Variants in RBKS observed in about 807,000 individuals in gnomAD.
RBKS encodes the protein ribokinase.
A neutral mutation model predicts 33.9 loss-of-function variants in RBKS; 33 were observed. The ratio of observed to expected loss-of-function variants is 0.97; its 90% CI spans 0.74 to 1.30. The LOEUF is 1.30. Among genes scored for constraint, RBKS ranks in the 50% most tolerant of loss-of-function variants. The pLI is 0.00. For missense variants in RBKS, 361 were observed against 392.6 expected, an observed-to-expected ratio of 0.92 and a Z score of 0.68; for synonymous variants, 125 against 143.0, an observed-to-expected ratio of 0.87 and a Z score of 0.90.
Position 27,784,265 on chromosome 2 carries a change from G to A in RBKS, c.796-2477C>T, listed in dbSNP as rs1204592472. Among the ~76,000 whole-genome samples the A allele has an allele frequency of 2.6e-5, 4 of 151,152 alleles. No homozygotes were observed. The South Asian group carries it at 6.3e-4, about 24-fold the overall frequency. ...CCCGAAGTGCTGGGATTACAGGCGT[G>A]AGCCACCGCGCCCGGCCTCTCAGGG... On this transcript the variant is annotated intron_variant, in intron 7 of 7. Transcript: ENST00000302188.
At chr2:27,860,576 C>T (rs1384153617) in intron 1 of RBKS, among the ~76,000 whole-genome samples, 1 of 152,060 alleles carries the variant, frequency 6.6e-6, no homozygotes, top group Non-Finnish European at 1.5e-5. Flanking sequence ...TTAAAAATCA[C>T]CAGATTATTA....
At chr2:27,798,975 TAG>T (rs769853308) in intron 7 of RBKS, among the ~76,000 whole-genome samples, 3 of 152,058 alleles carry the variant, frequency 2.0e-5, no homozygotes, top group Non-Finnish European at 4.4e-5. Context: ...CCCTTGAGGG[TAG>T]CACGCCTGTC....
intron 1 of RBKS, chr2:27,861,667 G>GA: frequency 2.3e-6 from 1 of 431,902 alleles, no homozygotes; most frequent in Middle Eastern, 4.4e-4. Flanking sequence ...TCTTTTTGGG[G>GA]GGGGGGTGGA....
rs1174155390 is a variant in RBKS at position 27,810,388 on chromosome 2, CA to C, written c.795+17178del. On this transcript the variant is annotated intron_variant, in intron 7 of 7. Transcript: ENST00000302188. The surrounding 1 kb of genome is among the most constrained non-coding windows in gnomAD (Gnocchi z 4.4). The stretch of plus-strand genomic sequence containing the variant: ...CTGCTCCAAATGCTTGCCTGTTACA[CA>C]GATCATTCATTCCCTAGAAGGCAGG... 6.6e-6 allele frequency among the ~76,000 whole-genome samples: 1 copy of C among 152,112 alleles called. No homozygotes were observed. The highest frequency in any genetic ancestry group is 1.9e-4 in the East Asian group (1 of 5,190).
intron 7 of RBKS, among the ~76,000 whole-genome samples, chr2:27,819,706 A>T (rs1469793463): frequency 6.6e-6 from 1 of 152,222 alleles, no homozygotes; most frequent in Non-Finnish European, 1.5e-5. Context: ...GAAATCTATA[A>T]GCAGATTCAT....
intron 7 of RBKS, among the ~76,000 whole-genome samples, chr2:27,807,236 C>T (rs1677913191): frequency 6.6e-6 from 1 of 152,196 alleles, no homozygotes; most frequent in African/African-American, 2.4e-5. Context: ...CACAAATTTA[C>T]ATTGTGAGAT....
intron 6 of RBKS, among the ~76,000 whole-genome samples, chr2:27,828,000 T>C (rs1678348406): frequency 6.6e-6 from 1 of 152,196 alleles, no homozygotes; most frequent in African/African-American, 2.4e-5. Context: ...GATGATAGCA[T>C]GGAATTACTG....
chr2:27,809,915 T>A, intron 7 of RBKS: 1 of 1,301,718 alleles, frequency 7.7e-7, no homozygotes, highest in Middle Eastern at 2.1e-4. Context: ...TTTATATTCA[T>A]TTTTGCTCGA....
At chr2:27,838,315 C>T (rs1335061690) in intron 5 of RBKS, among the ~76,000 whole-genome samples, 2 of 152,030 alleles carry the variant, frequency 1.3e-5, no homozygotes, top group Non-Finnish European at 2.9e-5. Context: ...ACTGTTGAAG[C>T]TAAATGATAG....
intron 7 of RBKS, among the ~76,000 whole-genome samples, chr2:27,826,770 CT>C (rs993615766): frequency 5.9e-5 from 9 of 152,198 alleles, no homozygotes; most frequent in African/African-American, 2.2e-4. Context: ...AACCATGAGT[CT>C]TTTTTCTAAC....
At chr2:27,856,778 A>AT (rs1239335388) in intron 2 of RBKS, among the ~76,000 whole-genome samples, 1 of 152,100 alleles carries the variant, frequency 6.6e-6, no homozygotes, top group Non-Finnish European at 1.5e-5. Context: ...AAATTATATC[A>AT]TCCTCTTTCC....
chr2:27,826,886 C>T (rs145090214), intron 7 of RBKS, among the ~76,000 whole-genome samples: 58 of 152,222 alleles, frequency 3.8e-4, no homozygotes, highest in African/African-American at 1.3e-3. Flanking sequence ...AGTCCATATG[C>T]CTAGTTTCGA....
At chr2:27,799,086 C>T (rs577998314) in intron 7 of RBKS, among the ~76,000 whole-genome samples, 2 of 152,172 alleles carry the variant, frequency 1.3e-5, no homozygotes, top group South Asian at 2.1e-4. Context: ...GGGTGCTGAG[C>T]GATGAGGTGA....
At chr2:27,794,398 T>G (rs1346854985) in intron 7 of RBKS, among the ~76,000 whole-genome samples, 1 of 150,924 alleles carries the variant, frequency 6.6e-6, no homozygotes, top group Admixed American at 6.6e-5. Context: ...TATCAGTCAC[T>G]CTTTGTGAAT....
chr2:27,819,233 T>C (rs1321878455), intron 7 of RBKS, among the ~76,000 whole-genome samples: 1 of 152,136 alleles, frequency 6.6e-6, no homozygotes, highest in East Asian at 1.9e-4. Flanking sequence ...TCTCTTGGCT[T>C]GTAGGTGGCC....
At chr2:27,813,202 T>A (rs963368917) in intron 7 of RBKS, among the ~76,000 whole-genome samples, 42 of 152,244 alleles carry the variant, frequency 2.8e-4, no homozygotes, top group African/African-American at 8.4e-4. Context: ...CTACATAGGA[T>A]TCTCACAGAT....
chr2:27,836,043 G>A (rs541340234), intron 5 of RBKS, among the ~76,000 whole-genome samples: 2 of 152,036 alleles, frequency 1.3e-5, no homozygotes, highest in African/African-American at 2.4e-5. Flanking sequence ...CTGAAACCCC[G>A]TCTCTACTAA....
intron 5 of RBKS, among the ~76,000 whole-genome samples, chr2:27,840,348 ACACACACGCGCGCGCG>A (rs1373244424): frequency 1.1e-4 from 15 of 136,320 alleles, no homozygotes; most frequent in African/African-American, 3.8e-4. Flanking sequence ...ACACACACAC[ACACACACGCGCGCGCG>A]CACACACACA....
At chr2:27,801,163 C>CAGAT (rs1490568746) in intron 7 of RBKS, among the ~76,000 whole-genome samples, 1 of 152,154 alleles carries the variant, frequency 6.6e-6, no homozygotes, top group Non-Finnish European at 1.5e-5. Flanking sequence ...GCAGGCTGAA[C>CAGAT]AGATGGTGCA....
Sources: gnomAD v4.1 joint callset for allele counts (sites outside exome capture counted in the v4.1 genomes callset) on GRCh38, gnomAD v4.1.1 for gene constraint, Gnocchi (gnomAD v3.1) non-coding constraint, MANE v1.5 for transcripts, NCBI Gene and HGNC (gene_info 2026-07-23, HGNC 2026-07-21) for gene names.